SLC7A1: variants seen among roughly 807,000 people sequenced by gnomAD.
SLC7A1 encodes the protein high affinity cationic amino acid transporter 1.
In SLC7A1, 10 loss-of-function variants were observed where a neutral mutation model predicts 53.9. The ratio of observed to expected loss-of-function variants is 0.19; its 90% CI spans 0.11 to 0.31. The LOEUF (loss-of-function observed/expected upper bound fraction) is 0.31. Ranked by LOEUF, SLC7A1 falls within the 10% of genes least tolerant of loss-of-function variation. The pLI is 1.00. For missense variants in SLC7A1, 525 were observed against 827.2 expected (o/e 0.63, Z 4.48); for synonymous variants, 342 against 338.7 (o/e 1.01, Z -0.11).
intron 8 of SLC7A1, among the ~76,000 whole-genome samples, chr13:29,521,621 G>A (rs17660515): frequency 0.014 from 2,182 of 152,244 alleles, 42 homozygotes; most frequent in South Asian, 0.061. Context: ...AAATGCAATC[G>A]CGAAAGGAGG....
chr13:29,515,453 G>A (rs1231134605), intron 12 of SLC7A1, among the ~76,000 whole-genome samples: 1 of 152,224 alleles, frequency 6.6e-6, no homozygotes, highest in Non-Finnish European at 1.5e-5. Flanking sequence ...ACCCCTCGAG[G>A]GCCCTGGGAG....
chr13:29,582,534 T>G lies in SLC7A1; in HGVS notation c.-115+12882A>C, dbSNP rs186103324. Among the ~76,000 whole-genome samples, 476 of 152,290 alleles carry G rather than the reference T, an allele frequency of 3.1e-3. 1 individual carries two copies. The highest frequency in any genetic ancestry group is 0.011 in the African/African-American group (458 of 41,574). Reference sequence around the variant, plus strand: ...TTGGTACAGGAGGCACAAAGACACATGCATCCCAGACCCTCAGGGAGATGT... The same window carrying G: ...TTGGTACAGGAGGCACAAAGACACAGGCATCCCAGACCCTCAGGGAGATGT... On this transcript the variant is annotated intron_variant, in intron 1 of 12. Coordinates refer to ENST00000380752, the MANE Select transcript of SLC7A1 (RefSeq NM_003045.5).
At chr13:29,530,905 C>G (rs1051273229) in intron 4 of SLC7A1, among the ~76,000 whole-genome samples, 193 bp from the exon 5 acceptor site, 2 of 152,090 alleles carry the variant, frequency 1.3e-5, no homozygotes, top group African/African-American at 4.8e-5. Flanking sequence ...TTTAAATCAC[C>G]AAGGTTGTGG....
At chr13:29,526,409 C>T (rs1332688269) in intron 5 of SLC7A1, among the ~76,000 whole-genome samples, 1 of 152,152 alleles carries the variant, frequency 6.6e-6, no homozygotes, top group Non-Finnish European at 1.5e-5. Context: ...GAGTTTGAGG[C>T]TGCTTTGAGC....
Position 29,512,494 on chromosome 13 carries a change from CCCA to C in SLC7A1, c.*1983_*1985del, listed in dbSNP as rs970315742. On this transcript the variant is annotated 3_prime_UTR_variant, in exon 13 of 13. Transcript: ENST00000380752. ...AAAAAAAAGAAAAAAGCAATTCTCT[CCCA>C]CCACTTCACTTTTCTTGGAGACTGT... is the stretch of plus-strand genomic sequence containing the variant. 6.6e-6 allele frequency: 1 copy of C among 152,200 alleles called. No homozygotes were observed. Among genetic ancestry groups the C allele is most frequent in the Non-Finnish European group, 1.5e-5 (1 of 68,044 alleles). The allele number at this position is 152,200 out of a possible 1,614,324, so 9.4% of individuals were successfully genotyped here.
chr13:29,521,810 C>A, intron 8 of SLC7A1, among the ~76,000 whole-genome samples: 1 of 152,264 alleles, frequency 6.6e-6, no homozygotes, highest in East Asian at 1.9e-4. Context: ...TCTGCTATTA[C>A]GTATAAACTT....
intron 3 of SLC7A1, among the ~76,000 whole-genome samples, chr13:29,535,524 T>C (rs1355808814): frequency 6.6e-6 from 1 of 152,188 alleles, no homozygotes; most frequent in Non-Finnish European, 1.5e-5. Flanking sequence ...AAAGAATGAA[T>C]GAATGAATGA....
intron 4 of SLC7A1, 26 bp downstream of exon 4, chr13:29,532,798 G>A (rs770756632): frequency 1.9e-6 from 3 of 1,593,562 alleles, no homozygotes; most frequent in African/African-American, 1.3e-5. Flanking sequence ...ACTCTGACCC[G>A]ATCTCTTTTT....
intron 5 of SLC7A1, among the ~76,000 whole-genome samples, chr13:29,528,177 C>G (rs1868986503): frequency 6.6e-6 from 1 of 152,224 alleles, no homozygotes; most frequent in Admixed American, 6.5e-5. Flanking sequence ...CAGAGGTTAA[C>G]CAAAGAAAAC....
At position 29,519,466 on chromosome 13, in the gene SLC7A1, C is replaced by T; in HGVS notation, c.1273G>A (p.Ala425Thr). 1 of 1,612,202 alleles carries T rather than the reference C, an allele frequency of 6.2e-7. No individual in the cohort carries two copies. The highest frequency in any genetic ancestry group is 2.2e-5 in the East Asian group (1 of 44,856). Reference sequence around the variant, plus strand: ...ACATACCGTAAGACCAACACACAGGCAGCCACCAACGAGTAAGCCAGGAGA... The same window carrying T: ...ACATACCGTAAGACCAACACACAGGTAGCCACCAACGAGTAAGCCAGGAGA... ...GTLLAYSLVA[A>T]CVLVLRYQPE... Residue 425 changes from alanine (A) to threonine (T), a missense_variant, in exon 9 of 13, where the codon GCC becomes ACC. Ala to Thr is a moderately conservative substitution (Grantham distance 58, BLOSUM62 0). Coordinates refer to ENST00000380752, the MANE Select transcript of SLC7A1 (RefSeq NM_003045.5).
chr13:29,594,367 G>C (rs910173182), intron 1 of SLC7A1, among the ~76,000 whole-genome samples: 1 of 152,232 alleles, frequency 6.6e-6, no homozygotes, highest in African/African-American at 2.4e-5. Flanking sequence ...CGGTGATGAC[G>C]TGAGTATTGG....
intron 1 of SLC7A1, among the ~76,000 whole-genome samples, chr13:29,580,635 G>T (rs983894723): frequency 2.0e-5 from 3 of 152,166 alleles, no homozygotes; most frequent in African/African-American, 7.2e-5. Context: ...CTCCAGCAAG[G>T]TGATGAGTGC....
At chr13:29,578,116 C>T (rs779133633) in intron 1 of SLC7A1, among the ~76,000 whole-genome samples, 8 of 152,094 alleles carry the variant, frequency 5.3e-5, no homozygotes, top group South Asian at 2.1e-4. Flanking sequence ...CTCTCATTTT[C>T]GGGATCTTTC....
Position 29,517,800 on chromosome 13 carries a change from A to C in SLC7A1, c.1293-10T>G. The C allele has an allele frequency of 1.2e-6, 2 of 1,610,206 alleles. No homozygotes were observed. The highest frequency in any genetic ancestry group is 1.7e-6 in the Non-Finnish European group (2 of 1,176,806). On this transcript the variant is annotated splice_polypyrimidine_tract_variant and intron_variant, in intron 9 of 12. Transcript: ENST00000380752. The stretch of plus-strand genomic sequence containing the variant: ...CTGCTCTGGCTGGTACCTGGGAAGA[A>C]AGGCATTGCGTGACCGCCACATCTG...
chr13:29,548,472 G>T (rs1322745738), intron 2 of SLC7A1, among the ~76,000 whole-genome samples: 1 of 152,250 alleles, frequency 6.6e-6, no homozygotes, highest in African/African-American at 2.4e-5. Context: ...CTTGGGGCAG[G>T]GCAGGGTGGC....
chr13:29,532,032 G>A (rs1022096342), intron 4 of SLC7A1, among the ~76,000 whole-genome samples: 1 of 152,134 alleles, frequency 6.6e-6, no homozygotes, highest in Admixed American at 6.5e-5. Flanking sequence ...ACTTTCTGAT[G>A]CATGTTTCTG....
At chr13:29,516,436 C>T (rs1260175417) in intron 11 of SLC7A1, among the ~76,000 whole-genome samples, 190 bp from the exon 12 acceptor site, 6 of 152,226 alleles carry the variant, frequency 3.9e-5, no homozygotes, top group African/African-American at 1.4e-4. Flanking sequence ...CACACACAAA[C>T]ACACCCAAGG....
At chr13:29,515,093 A>C (rs1883516309) in intron 12 of SLC7A1, among the ~76,000 whole-genome samples, 1 of 152,178 alleles carries the variant, frequency 6.6e-6, no homozygotes, top group South Asian at 2.1e-4. Flanking sequence ...GTTCCTGCAC[A>C]CGGGACTCCA....
At position 29,512,552 on chromosome 13, in the gene SLC7A1, G is replaced by A. The variant is rs1238873119; in HGVS notation, c.*1928C>T. 6.6e-6 allele frequency: 1 copy of A among 151,796 alleles called. No individual in the cohort carries two copies. Among genetic ancestry groups the A allele is most frequent in the Non-Finnish European group, 1.5e-5 (1 of 67,930 alleles). The allele number at this position is 151,796 out of a possible 1,614,324, so 9.4% of individuals were successfully genotyped here. A position where few individuals can be genotyped will look rare whatever the true frequency, so the allele number is the denominator to read the frequency against. ...CCCTCGAATTCTCTTTGCCTATGTA[G>A]AAAATAACGGAAAAAAAAATCAAGC... On this transcript the variant is annotated 3_prime_UTR_variant, in exon 13 of 13. Coordinates refer to ENST00000380752, the MANE Select transcript of SLC7A1 (RefSeq NM_003045.5).
Sources: gnomAD v4.1 joint callset for allele counts (sites outside exome capture counted in the v4.1 genomes callset) on GRCh38, gnomAD v4.1.1 for gene constraint, MANE v1.5 for transcripts, NCBI Gene and HGNC (gene_info 2026-07-23, HGNC 2026-07-21) for gene names.